MAP3K3: variants seen among roughly 807,000 people sequenced by gnomAD.
MAP3K3 encodes the protein mitogen-activated protein kinase kinase kinase 3.
Under a neutral mutation model 80.9 loss-of-function variants are expected in MAP3K3, and 12 were observed. The ratio of observed to expected loss-of-function variants is 0.15; its 90% CI spans 0.10 to 0.24. MAP3K3 has a LOEUF of 0.24. Ranked by LOEUF, MAP3K3 falls within the 10% of genes least tolerant of loss-of-function variation. The pLI is 1.00. For missense variants in MAP3K3, 596 were observed against 834.7 expected (o/e 0.71, Z 3.52); for synonymous variants, 272 against 307.1 (o/e 0.89, Z 1.19).
At chr17:63,654,087 T>A (rs1258105975) in intron 4 of MAP3K3, among the ~76,000 whole-genome samples, 1 of 152,146 alleles carries the variant, frequency 6.6e-6, no homozygotes, top group African/African-American at 2.4e-5. Context: ...CAGGCTGGTC[T>A]CAAATTCCTG....
In MAP3K3 at chr17:63,693,794, A is replaced by T; in HGVS notation, c.*17A>T. On this transcript the variant is annotated 3_prime_UTR_variant, in exon 16 of 16. Transcript: ENST00000361733. The surrounding 1 kb of genome is among the most constrained non-coding windows in gnomAD (Gnocchi z 4.2). ...ATGTACTGAGCTCTCACGGCCACACAGCTGCCGGTCGCCCTTTGCTGCATG... is the reference window on the plus strand; with the variant it reads ...ATGTACTGAGCTCTCACGGCCACACTGCTGCCGGTCGCCCTTTGCTGCATG... 1 of 1,587,346 alleles carries T rather than the reference A, an allele frequency of 6.3e-7. No homozygotes were observed. The highest frequency in any genetic ancestry group is 1.1e-5 in the South Asian group (1 of 87,970).
At chr17:63,634,925 C>A in intron 2 of MAP3K3, 2 of 832,702 alleles carry the variant, frequency 2.4e-6, no homozygotes, top group Non-Finnish European at 2.0e-6. Flanking sequence ...ATTGGTTACC[C>A]GTGACCTGTG....
At chr17:63,650,024 C>T (rs934636384) in intron 3 of MAP3K3, among the ~76,000 whole-genome samples, 4 of 152,296 alleles carry the variant, frequency 2.6e-5, no homozygotes, top group Non-Finnish European at 4.4e-5. Context: ...ACAAGAACTG[C>T]GCAGGCCCAT....
chr17:63,630,516 G>T (rs1341420552), intron 1 of MAP3K3, among the ~76,000 whole-genome samples: 1 of 152,038 alleles, frequency 6.6e-6, no homozygotes, highest in Non-Finnish European at 1.5e-5. Flanking sequence ...TTTGTAGAAT[G>T]TAGTTTTGCC....
At chr17:63,688,317 C>T (rs1195563186) in intron 8 of MAP3K3, 3 of 594,986 alleles carry the variant, frequency 5.0e-6, no homozygotes, top group Non-Finnish European at 9.0e-6. Flanking sequence ...GGGAGATTTA[C>T]CACTCAGGGT....
intron 4 of MAP3K3, among the ~76,000 whole-genome samples, chr17:63,653,898 G>A (rs1313972511): frequency 6.6e-6 from 1 of 151,806 alleles, no homozygotes; most frequent in Admixed American, 6.6e-5. Flanking sequence ...ACAGAGTCTT[G>A]CTCTGTCGCC....
intron 2 of MAP3K3, among the ~76,000 whole-genome samples, chr17:63,633,876 C>T (rs914909269): frequency 1.3e-5 from 2 of 152,198 alleles, no homozygotes; most frequent in African/African-American, 4.8e-5. Flanking sequence ...CTCATTTGCA[C>T]CTTGTTTACC....
rs58633694 is a variant in MAP3K3 at position 63,687,210 on chromosome 17, G to GAAA, written c.711-1305_711-1303dup. 7.7e-3 allele frequency among the ~76,000 whole-genome samples: 1,000 copies of GAAA among 130,388 alleles called. 3 individuals are homozygous for GAAA. Among genetic ancestry groups the GAAA allele is most frequent in the Admixed American group, 0.024 (310 of 12,762 alleles). The allele number at this position is 130,388 out of a possible 152,430, so 85.5% of individuals were successfully genotyped here. A position where few individuals can be genotyped will look rare whatever the true frequency, so the allele number is the denominator to read the frequency against. On this transcript the variant is annotated intron_variant, in intron 8 of 15. Coordinates refer to ENST00000361733, the MANE Select transcript of MAP3K3 (RefSeq NM_002401.5). ...GCGAAACCCCGTCTCTACTAAAAAT[G>GAAA]AAAAAAAAAAAAAAGCCAGGCGCGG...
intron 6 of MAP3K3, among the ~76,000 whole-genome samples, chr17:63,675,929 T>C (rs1052914862): frequency 3.9e-5 from 6 of 152,256 alleles, no homozygotes; most frequent in Non-Finnish European, 1.5e-5. Context: ...TCCAGTATCC[T>C]ATCCTGTTTA....
chr17:63,644,519 T>C (rs2034505128), intron 2 of MAP3K3, among the ~76,000 whole-genome samples: 1 of 152,210 alleles, frequency 6.6e-6, no homozygotes, highest in African/African-American at 2.4e-5. Context: ...CCTCTGGCCT[T>C]TAATTGCCAT....
In MAP3K3 at chr17:63,681,866, G is replaced by A; in HGVS notation, c.603G>A (p.Glu201=). 1 of 1,520,680 alleles carries A rather than the reference G, an allele frequency of 6.6e-7. No individual in the cohort carries two copies. Among genetic ancestry groups the A allele is most frequent in the East Asian group, 2.5e-5 (1 of 40,406 alleles). The allele number at this position is 1,520,680 out of a possible 1,614,324, so 94.2% of individuals were successfully genotyped here. Residue 201 remains glutamate (E), a synonymous_variant, in exon 7 of 16, where the codon GAG becomes GAA. Coordinates refer to ENST00000361733, the MANE Select transcript of MAP3K3 (RefSeq NM_002401.5). Reference sequence around the variant, plus strand: ...GGTCCTACACCAGCATCAACAGTGAGGGGGAGTTCATCCCAGAGACCAGCG... The same window carrying A: ...GGTCCTACACCAGCATCAACAGTGAAGGGGAGTTCATCCCAGAGACCAGCG... The part of the protein sequence containing the change: ...RQGSYTSINS[E]GEFIPETSEQ...
At chr17:63,638,143 A>AGATT in intron 2 of MAP3K3, among the ~76,000 whole-genome samples, 1 of 152,346 alleles carries the variant, frequency 6.6e-6, no homozygotes, top group Admixed American at 6.5e-5. Flanking sequence ...TTTTGTAAGA[A>AGATT]GATTGCTTTA....
At position 63,692,290 on chromosome 17, in the gene MAP3K3, T is replaced by C; in HGVS notation, c.1523T>C (p.Phe508Ser). ...GCTGGGAATGTAAAGCTGGGGGACT[T>C]TGGGGCCAGCAAACGCCTGCAGACG... Reference protein sequence around the residue: ...DSAGNVKLGDFGASKRLQTIC... With the variant: ...DSAGNVKLGDSGASKRLQTIC... Residue 508 changes from phenylalanine to serine, a missense_variant, in exon 15 of 16, where the codon TTT (phenylalanine) becomes TCT (serine). By Grantham distance (155) the Phe-to-Ser change is radical. Around this residue, in one of 2 missense-constraint regions of MAP3K3, gnomAD observed 364 missense variants for 588.9 expected, o/e 0.62. Transcript: ENST00000361733. This position sits in a 1 kb window ranked among gnomAD's most constrained non-coding sequence, Gnocchi z 4.5. 1 of 1,613,766 alleles carries C rather than the reference T, an allele frequency of 6.2e-7. No individual in the cohort carries two copies. Among genetic ancestry groups the C allele is most frequent in the Non-Finnish European group, 8.5e-7 (1 of 1,179,960 alleles).
At chr17:63,658,287 T>C (rs1328847680) in intron 5 of MAP3K3, among the ~76,000 whole-genome samples, 2 of 152,232 alleles carry the variant, frequency 1.3e-5, no homozygotes, top group Non-Finnish European at 2.9e-5. Context: ...GAGACTGTCA[T>C]GCTTTATAAA....
intron 3 of MAP3K3, among the ~76,000 whole-genome samples, chr17:63,651,872 G>A (rs1348196790): frequency 6.6e-6 from 1 of 152,104 alleles, no homozygotes; most frequent in Non-Finnish European, 1.5e-5. Flanking sequence ...TAATTCTGAG[G>A]AAAATCAGTA....
chr17:63,650,696 G>GAGAGT (rs752583799), intron 3 of MAP3K3, among the ~76,000 whole-genome samples: 1 of 112,482 alleles, frequency 8.9e-6, no homozygotes, highest in Non-Finnish European at 1.9e-5. Flanking sequence ...GAGAGAGAGA[G>GAGAGT]TTTTTTTTTT....
At chr17:63,638,982 C>T (rs572583285) in intron 2 of MAP3K3, among the ~76,000 whole-genome samples, 2 of 152,154 alleles carry the variant, frequency 1.3e-5, no homozygotes, top group Non-Finnish European at 2.9e-5. Flanking sequence ...GCCGAGATCA[C>T]TGCACTCCAG....
At chr17:63,687,933 C>CAA (rs774512741) in intron 8 of MAP3K3, among the ~76,000 whole-genome samples, 1 of 137,200 alleles carries the variant, frequency 7.3e-6, no homozygotes, top group Non-Finnish European at 1.6e-5. Flanking sequence ...GACTCCATCT[C>CAA]AAAAAAAAAA....
Position 63,685,592 on chromosome 17 carries a change from T to A in MAP3K3, c.710+2T>A, listed in dbSNP as rs773173555. On this transcript the variant is annotated splice_donor_variant, in intron 8 of 15. Coordinates refer to ENST00000361733, the MANE Select transcript of MAP3K3 (RefSeq NM_002401.5). LOFTEE classifies it high-confidence loss of function. ...ATCCTTGGACAGGTCAGCAGACAGG[T>A]ATGGGACTGTGGGTGGTTTGGAGGG... The A allele has an allele frequency of 1.2e-6, 2 of 1,613,784 alleles. No homozygotes were observed. The highest frequency in any genetic ancestry group is 2.2e-5 in the South Asian group (2 of 91,066).
Sources: allele counts gnomAD v4.1 joint callset (sites outside exome capture counted in the v4.1 genomes callset), GRCh38; gene constraint gnomAD v4.1.1; regional missense constraint gnomAD v4.1.1; non-coding constraint Gnocchi (gnomAD v3.1); transcripts MANE v1.5; gene names NCBI Gene and HGNC (gene_info 2026-07-23, HGNC 2026-07-21).